Variants in DDX60L observed in about 807,000 individuals in gnomAD.
The protein encoded by DDX60L is DExD/H-box 60 like, also known as probable ATP-dependent RNA helicase DDX60-like.
In DDX60L, 191 loss-of-function variants were observed where a neutral mutation model predicts 211.6. That is an observed-to-expected ratio of 0.90 (90% confidence interval 0.80 to 1.02). DDX60L has a LOEUF of 1.02. Among genes scored for constraint, DDX60L ranks in the 50% least tolerant of loss-of-function variants. The pLI is 0.00. For synonymous variants in DDX60L, 706 were observed against 694.1 expected, an observed-to-expected ratio of 1.02 and a Z score of -0.27; for missense variants, 2,007 against 1,984.1, an observed-to-expected ratio of 1.01 and a Z score of -0.22.
At chr4:168,401,824 G>C (rs12508139) in intron 25 of DDX60L, among the ~76,000 whole-genome samples, 82,726 of 151,904 alleles carry the variant, frequency 0.54, 23,256 homozygotes, top group East Asian at 0.62. Flanking sequence ...TTAATACACT[G>C]AAGAAACAAA....
intron 37 of DDX60L, among the ~76,000 whole-genome samples, chr4:168,359,100 C>T (rs1017117363): frequency 2.0e-5 from 3 of 152,168 alleles, no homozygotes; most frequent in African/African-American, 7.2e-5. Flanking sequence ...ACCTGACATG[C>T]TATTCGAGCA....
intron 35 of DDX60L, among the ~76,000 whole-genome samples, chr4:168,373,400 C>A (rs183417778): frequency 2.0e-3 from 300 of 152,184 alleles, no homozygotes; most frequent in Middle Eastern, 3.4e-3. Flanking sequence ...CCTCTTCCCA[C>A]AGCAAACCTG....
At chr4:168,389,582 C>T (rs1346271601) in intron 29 of DDX60L, among the ~76,000 whole-genome samples, 1 of 152,202 alleles carries the variant, frequency 6.6e-6, no homozygotes, top group Non-Finnish European at 1.5e-5. Context: ...GATTCTGATA[C>T]AGCTGGACAA....
intron 10 of DDX60L, 52 bp downstream of exon 10, chr4:168,441,285 G>T: frequency 1.4e-6 from 2 of 1,481,460 alleles, no homozygotes; most frequent in Non-Finnish European, 1.8e-6. Context: ...GCTTCTAAAA[G>T]TTGTTCAGGA....
Position 168,419,155 on chromosome 4 carries a change from C to T in DDX60L, c.2610+147G>A, listed in dbSNP as rs28650986. Reference sequence around the variant, plus strand: ...AACACTTTTCTAAAAATTGTACTAACGTGAATATGCAATCTGTTTTCCATT... The same window carrying T: ...AACACTTTTCTAAAAATTGTACTAATGTGAATATGCAATCTGTTTTCCATT... On this transcript the variant is annotated intron_variant, in intron 19 of 37. Coordinates refer to ENST00000682922, the MANE Select transcript of DDX60L (RefSeq NM_001012967.3). 3.0e-3 allele frequency: 1,488 copies of T among 493,170 alleles called. 18 individuals are homozygous for T. The highest frequency in any genetic ancestry group is 0.026 in the African/African-American group (1,302 of 50,796). The allele number at this position is 493,170 out of a possible 1,614,324, so 30.5% of individuals were successfully genotyped here.
At chr4:168,413,870 TC>T (rs1203295191) in intron 22 of DDX60L, among the ~76,000 whole-genome samples, 1 of 151,932 alleles carries the variant, frequency 6.6e-6, no homozygotes, top group Non-Finnish European at 1.5e-5. Flanking sequence ...ATACCAATAC[TC>T]ATATACAAGA....
At chr4:168,471,677 G>C (rs984469938) in intron 4 of DDX60L, 70 bp downstream of exon 4, 4 of 1,233,722 alleles carry the variant, frequency 3.2e-6, no homozygotes, top group Non-Finnish European at 4.4e-6. Flanking sequence ...TAGGTCAAAG[G>C]CTCTTTAGGT....
At chr4:168,423,206 T>C (rs551266762) in intron 15 of DDX60L, among the ~76,000 whole-genome samples, 1 of 152,250 alleles carries the variant, frequency 6.6e-6, no homozygotes, top group Admixed American at 6.5e-5. Flanking sequence ...AAATAGCAGA[T>C]ATTAACGTTA....
At chr4:168,424,386 CCATATAAAGT>C (rs1245995150) in intron 14 of DDX60L, among the ~76,000 whole-genome samples, 1 of 152,184 alleles carries the variant, frequency 6.6e-6, no homozygotes, top group Non-Finnish European at 1.5e-5. Context: ...ACTAACCACT[CCATATAAAGT>C]CATATAAAGT....
intron 19 of DDX60L, among the ~76,000 whole-genome samples, chr4:168,417,044 T>C (rs550709264): frequency 6.6e-6 from 1 of 152,316 alleles, no homozygotes; most frequent in African/African-American, 2.4e-5. Context: ...TGTTTTTCTC[T>C]CCATTTTTTG....
At chr4:168,470,854 A>G (rs1029796441) in intron 4 of DDX60L, 3 of 276,674 alleles carry the variant, frequency 1.1e-5, no homozygotes, top group Non-Finnish European at 2.1e-5. Context: ...AAAAAAAAAG[A>G]AAGTTCTACA....
At chr4:168,458,713 A>C (rs1408253698) in intron 5 of DDX60L, among the ~76,000 whole-genome samples, 1 of 152,212 alleles carries the variant, frequency 6.6e-6, no homozygotes, top group Non-Finnish European at 1.5e-5. Context: ...TTTAATACCT[A>C]GGTGATGGGT....
intron 26 of DDX60L, among the ~76,000 whole-genome samples, chr4:168,397,296 G>T (rs377620748): frequency 6.6e-6 from 1 of 152,176 alleles, no homozygotes; most frequent in African/African-American, 2.4e-5. Flanking sequence ...TATGTGCCAG[G>T]CAATATGCTA....
Position 168,367,208 on chromosome 4 carries a change from C to G in DDX60L, c.4928+4404G>C, listed in dbSNP as rs576715152. Among the ~76,000 whole-genome samples the G allele has an allele frequency of 3.3e-4, 50 of 152,188 alleles. No individual in the cohort carries two copies. In the South Asian group the frequency reaches 9.3e-3, roughly 28 times the overall value. On this transcript the variant is annotated intron_variant, in intron 36 of 37. Coordinates refer to ENST00000682922, the MANE Select transcript of DDX60L (RefSeq NM_001012967.3). ...ACAATATGGTTTGGCTGTGTCTCCACACAAATCTCATCATGAATCTTAACT... is the reference window on the plus strand; with the variant it reads ...ACAATATGGTTTGGCTGTGTCTCCAGACAAATCTCATCATGAATCTTAACT...
At chr4:168,450,750 T>C (rs771965129) in intron 8 of DDX60L, among the ~76,000 whole-genome samples, 36 of 152,056 alleles carry the variant, frequency 2.4e-4, no homozygotes, top group Non-Finnish European at 4.4e-4. Context: ...ACCTTGCCTC[T>C]ACAAAAAATA....
intron 32 of DDX60L, 104 bp from the exon 33 acceptor site, chr4:168,378,579 AT>A (rs1261092366): frequency 2.5e-6 from 2 of 791,944 alleles, no homozygotes; most frequent in African/African-American, 3.6e-5. Flanking sequence ...TGAAGGCAAA[AT>A]TTTCTAGCAA....
intron 7 of DDX60L, among the ~76,000 whole-genome samples, chr4:168,453,776 G>A (rs1010822962): frequency 6.6e-6 from 1 of 152,134 alleles, no homozygotes; most frequent in Non-Finnish European, 1.5e-5. Flanking sequence ...TTGTCATATG[G>A]AAGGTTAAAA....
In DDX60L at chr4:168,386,265, T is replaced by C. The variant is rs558213225; in HGVS notation, c.3916-1453A>G. On this transcript the variant is annotated intron_variant, in intron 29 of 37. Transcript: ENST00000682922. ...CACCACCAACAGCAACTGTTCCCTA[T>C]TTAAGCCATTTTCTCTAACTCTTTT... is the stretch of plus-strand genomic sequence containing the variant. Among the ~76,000 whole-genome samples the C allele has an allele frequency of 5.0e-4, 76 of 152,302 alleles. 1 individual carries two copies. The South Asian group carries it at 0.015, about 30-fold the overall frequency.
At chr4:168,463,156 C>A (rs1757542615) in intron 4 of DDX60L, among the ~76,000 whole-genome samples, 1 of 152,172 alleles carries the variant, frequency 6.6e-6, no homozygotes, top group Admixed American at 6.5e-5. Flanking sequence ...AAATATAAAT[C>A]ATTCCATCAT....
Sources: allele counts gnomAD v4.1 joint callset (sites outside exome capture counted in the v4.1 genomes callset), GRCh38; gene constraint gnomAD v4.1.1; transcripts MANE v1.5; gene names NCBI Gene and HGNC (gene_info 2026-07-23, HGNC 2026-07-21).